Variants in PARP10 observed in about 807,000 individuals in gnomAD.
PARP10 encodes the protein poly(ADP-ribose) polymerase family member 10, also known as protein mono-ADP-ribosyltransferase PARP10.
PARP10 carries 56 observed loss-of-function variants against 82.4 expected under a neutral mutation model. The observed-to-expected ratio is 0.68, with a 90% confidence interval of 0.55 to 0.85. The LOEUF (loss-of-function observed/expected upper bound fraction) is 0.85. Among genes scored for constraint, PARP10 ranks in the 40% least tolerant of loss-of-function variants. PARP10 has a pLI of 0.00. For synonymous variants in PARP10, 576 were observed against 601.1 expected (o/e 0.96, Z 0.61); for missense variants, 1,227 against 1,379.4 (o/e 0.89, Z 1.75).
upstream of PARP10, chr8:143,991,009 C>A (rs1554750330): frequency 2.5e-6 from 1 of 403,898 alleles, no homozygotes; most frequent in Admixed American, 4.5e-5. Context: ...GAAGGCCCCA[C>A]GGCGCCGCCC....
At chr8:144,004,753 C>T (rs1343314769) in intron 1 of PARP10, among the ~76,000 whole-genome samples, 7 of 152,118 alleles carry the variant, frequency 4.6e-5, no homozygotes, top group South Asian at 2.1e-4. Flanking sequence ...TTTCACAGGT[C>T]GGCGCTCAGC....
At position 143,985,759 on chromosome 8, in the gene PARP10, C is replaced by T. The variant is rs781993206; in HGVS notation, c.398G>A (p.Arg133Gln). 17 of 1,610,130 alleles carry T rather than the reference C, an allele frequency of 1.1e-5. No individual in the cohort carries two copies. The highest frequency in any genetic ancestry group is 4.5e-5 in the East Asian group (2 of 44,788). ...GGGCTTGGGCAACTGGACCAGAGCC[C>T]GGTCTGGCCGGGGGCTGGCCAAGGC... Reference protein sequence around the residue: ...CCALASPRPDRALVQLPKPLS... With the variant: ...CCALASPRPDQALVQLPKPLS... The change falls in exon 3 of 11, where the codon CGG becomes CAG. Residue 133 changes from arginine to glutamine, a missense_variant. Arg to Gln is a conservative substitution (Grantham distance 43, BLOSUM62 1). Coordinates refer to ENST00000313028, the MANE Select transcript of PARP10 (RefSeq NM_032789.5).
Position 143,977,784 on chromosome 8 carries a change from C to G in PARP10, c.2778G>C (p.Leu926=). The change falls in exon 11 of 11, where the codon CTG becomes CTC. Residue 926 remains leucine, a synonymous_variant. Transcript: ENST00000313028. ...KGVYFARRAS[L]SVQDRYSPPN... ...GGGGCGAGTAGCGGTCCTGCACCGA[C>G]AGGGAGGCGCGCCTGGCGAAATACA... 1 of 1,603,008 alleles carries G rather than the reference C, an allele frequency of 6.2e-7. No individual in the cohort carries two copies. The highest frequency in any genetic ancestry group is 1.7e-5 in the Admixed American group (1 of 59,156).
upstream of PARP10, chr8:143,992,204 G>A: frequency 6.2e-7 from 1 of 1,601,716 alleles, no homozygotes; most frequent in Non-Finnish European, 8.5e-7. Flanking sequence ...GGGTGGCATG[G>A]GGGCACACAC....
Position 143,983,064 on chromosome 8 carries a change from C to T in PARP10, c.2424G>A (p.Leu808=), listed in dbSNP as rs1554748099. Residue 808 remains leucine, a splice_region_variant and synonymous_variant, in exon 9 of 11, where the codon TTG becomes TTA. Coordinates refer to ENST00000313028, the MANE Select transcript of PARP10 (RefSeq NM_032789.5). ...AFPLAASGPT[L]AGQTLKGPWN... ...AGGGCCCCTTCAGCGTCTGCCCCGC[C>T]ACTGATGCATGGGGAAAAGCGGGGG... 6.2e-7 allele frequency: 1 copy of T among 1,613,984 alleles called. No homozygotes were observed. Among genetic ancestry groups the T allele is most frequent in the Admixed American group, 1.7e-5 (1 of 60,016 alleles).
chr8:143,978,300 C>A (rs1249538070), intron 9 of PARP10, among the ~76,000 whole-genome samples: 1 of 152,160 alleles, frequency 6.6e-6, no homozygotes, highest in South Asian at 2.1e-4. Context: ...ACCCCTCCCC[C>A]TCCCGTGGAG....
chr8:143,983,189 G>A lies in PARP10; in HGVS notation c.2400C>T (p.Pro800=), dbSNP rs368079989. 6.2e-6 allele frequency: 10 copies of A among 1,613,562 alleles called. No homozygotes were observed. In the African/African-American group the frequency reaches 1.3e-4, roughly 22 times the overall value. ...AGPWDQSLAF[P]LAASGPTLAG... ...CACAGGTAGGGCCTGAAGCTGCCAA[G>A]GGAAAGGCCAAACTCTGATCCCAGG... Residue 800 remains proline, a synonymous_variant, in exon 8 of 11, where the codon CCC becomes CCT. Coordinates refer to ENST00000313028, the MANE Select transcript of PARP10 (RefSeq NM_032789.5).
upstream of PARP10, chr8:143,991,394 C>T: frequency 8.6e-7 from 1 of 1,158,088 alleles, no homozygotes; most frequent in Non-Finnish European, 1.2e-6. Flanking sequence ...AGCCAGGGTA[C>T]CCCCATGGCC....
Position 143,983,680 on chromosome 8 carries a change from C to T in PARP10, c.1909G>A (p.Glu637Lys). 6.2e-7 allele frequency: 1 copy of T among 1,609,338 alleles called. No individual in the cohort carries two copies. Among genetic ancestry groups the T allele is most frequent in the Non-Finnish European group, 8.5e-7 (1 of 1,177,610 alleles). ...EEEVTPGHEEEEPVAPSTVAP... is the reference protein window; with the variant it reads ...EEEVTPGHEEKEPVAPSTVAP... Reference sequence around the variant, plus strand: ...ACAGTGCTGGGGGCCACAGGCTCCTCCTCCTCATGCCCTGGGGTCACCTCC... The same window carrying T: ...ACAGTGCTGGGGGCCACAGGCTCCTTCTCCTCATGCCCTGGGGTCACCTCC... Residue 637 changes from glutamate to lysine, a missense_variant, in exon 8 of 11, where the codon GAG becomes AAG. Glu to Lys is a moderately conservative substitution (Grantham distance 56). Coordinates refer to ENST00000313028, the MANE Select transcript of PARP10 (RefSeq NM_032789.5).
chr8:144,004,147 C>T (rs1834220141), intron 1 of PARP10, among the ~76,000 whole-genome samples: 2 of 150,864 alleles, frequency 1.3e-5, no homozygotes, highest in Admixed American at 6.6e-5. Flanking sequence ...ACCCTATCTC[C>T]ACAAAAAATA....
upstream of PARP10, chr8:143,992,343 C>G (rs1554750690): frequency 1.3e-6 from 2 of 1,592,790 alleles, no homozygotes; most frequent in East Asian, 4.5e-5. Context: ...CCACAGCCGT[C>G]TGCTTCACCG....
At position 143,984,942 on chromosome 8, in the gene PARP10, T is replaced by C. The variant is rs782306061; in HGVS notation, c.1060A>G (p.Met354Val). ...GQAEQVSSMP[M>V]GSLEHEGLVS... ...AGCCCCTCATGTTCCAGAGACCCCA[T>C]GGGCATCGAGCTGACTTGCTCTGCC... Residue 354 changes from methionine (M) to valine (V), a missense_variant, in exon 5 of 11, where the codon ATG (methionine) becomes GTG (valine). Met to Val is a conservative substitution (Grantham distance 21). Transcript: ENST00000313028. 6 of 1,613,948 alleles carry C rather than the reference T, an allele frequency of 3.7e-6. No individual in the cohort carries two copies. The highest frequency in any genetic ancestry group is 3.3e-5 in the Admixed American group (2 of 60,012).
chr8:143,978,110 A>G (rs1348644056), intron 9 of PARP10, 29 bp from the exon 10 acceptor site: 132 of 1,473,680 alleles, frequency 9.0e-5, no homozygotes, highest in Non-Finnish European at 1.1e-4. Flanking sequence ...CCAGGATTAA[A>G]CACCCTCCCT....
At chr8:143,992,448 TC>T, upstream of PARP10, 1 of 1,613,978 alleles carries the variant, frequency 6.2e-7, no homozygotes, top group Non-Finnish European at 8.5e-7. Context: ...CATGGCCCGT[TC>T]CTCTCCCACC....
chr8:144,007,397 G>C lies in PARP10; in HGVS notation c.-80+5133C>G, dbSNP rs181215236. Reference sequence around the variant, plus strand: ...GGGATATTGGTTTCCTCAGAAACCAGGGGCATGTCCTCAGACACTCAGAAG... The same window carrying C: ...GGGATATTGGTTTCCTCAGAAACCACGGGCATGTCCTCAGACACTCAGAAG... On this transcript the variant is annotated intron_variant, in intron 1 of 3. Coordinates refer to the PARP10 transcript ENST00000530478. 1.6e-4 allele frequency among the ~76,000 whole-genome samples: 24 copies of C among 152,358 alleles called. No homozygotes were observed. In the East Asian group the frequency reaches 4.2e-3, roughly 27 times the overall value.
chr8:143,977,473 G>A lies in PARP10; in HGVS notation c.*11C>T, dbSNP rs1322207681. 2.6e-6 allele frequency: 4 copies of A among 1,532,432 alleles called. No individual in the cohort carries two copies. Among genetic ancestry groups the A allele is most frequent in the Non-Finnish European group, 3.5e-6 (4 of 1,136,636 alleles). 94.9% of individuals were successfully genotyped at this position (1,532,432 alleles called of 1,614,324 possible). On this transcript the variant is annotated 3_prime_UTR_variant, in exon 11 of 11. Transcript: ENST00000313028. ...CCTGGGAAGCAGGAGGCCAGAGGGT[G>A]GCCCCTTCGGTTAAGTGTCTGGGGA... is the stretch of plus-strand genomic sequence containing the variant.
At chr8:143,980,245 G>T (rs1460816814) in intron 9 of PARP10, among the ~76,000 whole-genome samples, 1 of 143,884 alleles carries the variant, frequency 7.0e-6, no homozygotes, top group African/African-American at 2.6e-5. Context: ...GCGTGAACCC[G>T]GGAGGCAGAG....
upstream of PARP10, chr8:143,993,136 C>G (rs1411623052): frequency 5.2e-6 from 2 of 386,204 alleles, no homozygotes; most frequent in Non-Finnish European, 9.6e-6. Context: ...CCAGCCCACC[C>G]CAGGGACTGG....
chr8:143,991,310 G>A (rs964023355), upstream of PARP10: 56 of 1,391,442 alleles, frequency 4.0e-5, no homozygotes, highest in Non-Finnish European at 5.1e-5. Context: ...AGCCACCCAT[G>A]CCCCCCTATG....
Sources: gnomAD v4.1 joint callset for allele counts (sites outside exome capture counted in the v4.1 genomes callset) on GRCh38, gnomAD v4.1.1 for gene constraint, MANE v1.5 for transcripts, NCBI Gene and HGNC (gene_info 2026-07-23, HGNC 2026-07-21) for gene names.